The following EYS variants were observed in gnomAD, a reference collection of about 807,000 sequenced individuals.
EYS encodes EGF-like photoreceptor maintenance factor.
In EYS, 250 loss-of-function variants were observed where a neutral mutation model predicts 282.1. That is an observed-to-expected ratio of 0.89 (90% CI 0.80 to 0.98). The LOEUF is 0.98. Ranked by LOEUF, EYS falls within the 50% of genes least tolerant of loss-of-function variation. The pLI is 0.00. For synonymous variants in EYS, 1,355 were observed against 1,282.9 expected (o/e 1.06, Z -1.20); for missense variants, 4,016 against 3,709.0 (o/e 1.08, Z -2.15).
chr6:64,465,657 T>C (rs935622547), intron 26 of EYS, among the ~76,000 whole-genome samples: 2 of 151,856 alleles, frequency 1.3e-5, no homozygotes, highest in East Asian at 1.9e-4. Context: ...GAAGAAAACA[T>C]TGAGGAAGAA....
At chr6:64,584,425 CAG>C (rs1766169255) in intron 26 of EYS, among the ~76,000 whole-genome samples, 1 of 151,282 alleles carries the variant, frequency 6.6e-6, no homozygotes, top group African/African-American at 2.4e-5. Context: ...TTTAATATAT[CAG>C]TAATAATTTT....
intron 35 of EYS, among the ~76,000 whole-genome samples, chr6:63,927,760 G>T (rs1157830481): frequency 2.0e-5 from 3 of 152,234 alleles, no homozygotes; most frequent in African/African-American, 7.2e-5. Context: ...CCAGGCTTCT[G>T]AGACAGACGC....
chr6:65,463,657 T>C lies in EYS; in HGVS notation c.862+26937A>G, dbSNP rs192211105. On this transcript the variant is annotated intron_variant, in intron 5 of 42. Coordinates refer to ENST00000503581, the MANE Select transcript of EYS (RefSeq NM_001142800.2). Reference sequence around the variant, plus strand: ...GATCAAATATTGCTTGATGTGTTTATTTAAAAAAGTATGGTTTGTCTCCTT... The same window carrying C: ...GATCAAATATTGCTTGATGTGTTTACTTAAAAAAGTATGGTTTGTCTCCTT... Among the ~76,000 whole-genome samples the C allele has an allele frequency of 5.8e-4, 88 of 152,286 alleles. 1 individual carries two copies. The highest frequency in any genetic ancestry group is 3.4e-3 in the Middle Eastern group (1 of 294).
At chr6:65,448,180 C>G (rs1764263885) in intron 5 of EYS, among the ~76,000 whole-genome samples, 1 of 152,004 alleles carries the variant, frequency 6.6e-6, no homozygotes, top group Admixed American at 6.6e-5. Context: ...ACACAACTCA[C>G]CCATTTCTCC....
chr6:64,813,692 C>T, intron 21 of EYS, 115 bp from the exon 22 acceptor site: 2 of 592,472 alleles, frequency 3.4e-6, no homozygotes, highest in Non-Finnish European at 5.3e-6. Flanking sequence ...ACTTGTTTGA[C>T]ATTTCCTTCC....
chr6:64,113,819 C>T (rs145494153), intron 31 of EYS, among the ~76,000 whole-genome samples: 2 of 152,216 alleles, frequency 1.3e-5, no homozygotes, highest in East Asian at 3.9e-4. Flanking sequence ...TTCTTACTGT[C>T]CTGTTTTAAA....
chr6:65,447,041 C>A (rs1768689291), intron 5 of EYS, among the ~76,000 whole-genome samples: 1 of 151,440 alleles, frequency 6.6e-6, no homozygotes, highest in Non-Finnish European at 1.5e-5. Context: ...ACATAATCAC[C>A]AGTATGTGAG....
intron 35 of EYS, among the ~76,000 whole-genome samples, chr6:63,956,092 C>G (rs368337923): frequency 1.8e-5 from 2 of 112,318 alleles, no homozygotes; most frequent in Admixed American, 1.7e-4. Context: ...TACCACCCCC[C>G]ACAATTTTCA....
intron 12 of EYS, among the ~76,000 whole-genome samples, chr6:65,085,119 T>G (rs569520758): frequency 4.6e-4 from 70 of 152,062 alleles, no homozygotes; most frequent in Middle Eastern, 6.8e-3. Flanking sequence ...AAATTATGAG[T>G]GATGAGTGAA....
intron 15 of EYS, among the ~76,000 whole-genome samples, chr6:64,944,795 G>A (rs765204172): frequency 1.8e-4 from 28 of 152,182 alleles, no homozygotes; most frequent in East Asian, 3.9e-4. Context: ...GAGAAAAACC[G>A]CCCTATGGTG....
At chr6:64,168,468 A>G (rs986537057) in intron 31 of EYS, among the ~76,000 whole-genome samples, 1 of 152,186 alleles carries the variant, frequency 6.6e-6, no homozygotes, top group Non-Finnish European at 1.5e-5. Context: ...GAGAAATAAA[A>G]ACATGTCCAC....
At chr6:64,044,726 G>A (rs546445231) in intron 33 of EYS, among the ~76,000 whole-genome samples, 1 of 152,106 alleles carries the variant, frequency 6.6e-6, no homozygotes, top group South Asian at 2.1e-4. Context: ...TATTTTGAGT[G>A]ATTTTTTTTT....
At chr6:64,466,614 T>C (rs1252611268) in intron 26 of EYS, among the ~76,000 whole-genome samples, 1 of 152,090 alleles carries the variant, frequency 6.6e-6, no homozygotes, top group Non-Finnish European at 1.5e-5. Flanking sequence ...GTTGAGAAGA[T>C]ATTGGTCAAA....
chr6:64,641,036 T>G (rs1768132225), intron 22 of EYS, among the ~76,000 whole-genome samples: 1 of 152,206 alleles, frequency 6.6e-6, no homozygotes, highest in African/African-American at 2.4e-5. Context: ...AATTTGTTTT[T>G]AACTCCAAAG....
intron 14 of EYS, among the ~76,000 whole-genome samples, chr6:64,985,238 T>C (rs1770817060): frequency 6.6e-6 from 1 of 151,564 alleles, no homozygotes; most frequent in South Asian, 2.1e-4. Flanking sequence ...ACAAATGTTA[T>C]GACTTTGCTT....
At chr6:65,123,522 A>T (rs1775626279) in intron 12 of EYS, among the ~76,000 whole-genome samples, 1 of 152,168 alleles carries the variant, frequency 6.6e-6, no homozygotes, top group Non-Finnish European at 1.5e-5. Flanking sequence ...ACAGAGCTTG[A>T]CCTTCTAAGA....
chr6:64,486,822 A>C (rs566793785), intron 26 of EYS, among the ~76,000 whole-genome samples: 1 of 151,432 alleles, frequency 6.6e-6, no homozygotes, highest in South Asian at 2.1e-4. Context: ...CTTTTAAGAG[A>C]GATAACTAGG....
chr6:63,725,402 T>G (rs542452700), intron 42 of EYS, among the ~76,000 whole-genome samples: 1 of 152,250 alleles, frequency 6.6e-6, no homozygotes, highest in East Asian at 1.9e-4. Flanking sequence ...GAATATACCT[T>G]GATTTTCTGC....
chr6:64,418,206 T>C (rs926988716), intron 28 of EYS, among the ~76,000 whole-genome samples: 1 of 152,258 alleles, frequency 6.6e-6, no homozygotes, highest in Middle Eastern at 3.4e-3. Flanking sequence ...ACTGTAGCTA[T>C]CTACGTAACA....
Sources: allele counts gnomAD v4.1 joint callset (sites outside exome capture counted in the v4.1 genomes callset), GRCh38; gene constraint gnomAD v4.1.1; transcripts MANE v1.5; gene names NCBI Gene and HGNC (gene_info 2026-07-23, HGNC 2026-07-21).